RIMBP2: variants seen among roughly 807,000 people sequenced by gnomAD.
RIMBP2 encodes the protein RIMS-binding protein 2.
A neutral mutation model predicts 118.6 loss-of-function variants in RIMBP2; 48 were observed. The ratio of observed to expected loss-of-function variants is 0.40; its 90% CI spans 0.32 to 0.51. RIMBP2 has a LOEUF of 0.51. Ranked by LOEUF, RIMBP2 falls within the 20% of genes least tolerant of loss-of-function variation. RIMBP2 has a pLI of 0.41. For missense variants in RIMBP2, 1,551 were observed against 1,768.3 expected (o/e 0.88, Z 2.20); for synonymous variants, 762 against 742.9 (o/e 1.03, Z -0.42).
At chr12:130,411,752 C>A (rs181695391) in intron 19 of RIMBP2, among the ~76,000 whole-genome samples, 8 of 151,914 alleles carry the variant, frequency 5.3e-5, no homozygotes, top group Non-Finnish European at 7.4e-5. Flanking sequence ...TTAATGTGGG[C>A]GATATATTCA....
intron 4 of RIMBP2, among the ~76,000 whole-genome samples, chr12:130,501,008 C>T (rs990284623): frequency 2.0e-5 from 3 of 152,118 alleles, no homozygotes; most frequent in Non-Finnish European, 4.4e-5. Flanking sequence ...CCAGGGGTCA[C>T]GACACACTCC....
intron 2 of RIMBP2, among the ~76,000 whole-genome samples, chr12:130,540,351 A>C (rs1381995492): frequency 6.6e-6 from 1 of 152,206 alleles, no homozygotes; most frequent in Non-Finnish European, 1.5e-5. Flanking sequence ...GGAATCGCAC[A>C]CAAGAAAGGA....
chr12:130,489,787 G>A (rs748516537), intron 4 of RIMBP2, among the ~76,000 whole-genome samples: 7 of 152,088 alleles, frequency 4.6e-5, no homozygotes, highest in Admixed American at 6.6e-5. Flanking sequence ...AAGTCTGACC[G>A]GTAGACTGAA....
rs1388827858 is a variant in RIMBP2, at chr12:130,442,533, G to A, written c.819C>T (p.Gly273=). The stretch of plus-strand genomic sequence containing the variant: ...GGATGTGCTCTCCCTCCAGGCCGAT[G>A]CCGGAATGGTTGATGAAGTTCTGAT... The part of the protein sequence containing the change: ...EQDQNFINHS[G]IGLEGEHILD... Residue 273 remains glycine (G), a synonymous_variant, in exon 11 of 23, where the codon GGC becomes GGT. Coordinates refer to ENST00000690449, the MANE Select transcript of RIMBP2 (RefSeq NM_001393629.1). The surrounding 1 kb of genome is among the most constrained non-coding windows in gnomAD (Gnocchi z 6.9). 6.2e-7 allele frequency: 1 copy of A among 1,614,190 alleles called. No individual in the cohort carries two copies.
intron 2 of RIMBP2, among the ~76,000 whole-genome samples, chr12:130,624,689 C>A (rs1342591369): frequency 6.6e-6 from 1 of 152,104 alleles, no homozygotes; most frequent in Admixed American, 6.5e-5. Context: ...TTTGTTTTTT[C>A]TTTTACTGTA....
Position 130,436,853 on chromosome 12 carries a change from C to G in RIMBP2, c.2095G>C (p.Glu699Gln), listed in dbSNP as rs768170548. 1.4e-6 allele frequency: 2 copies of G among 1,476,964 alleles called. No homozygotes were observed. The highest frequency in any genetic ancestry group is 5.0e-5 in the East Asian group (2 of 39,810). The allele number at this position is 1,476,964 out of a possible 1,614,324, so 91.5% of individuals were successfully genotyped here. ...MAREAAQRVA[E>Q]SSRLEKRSVF... ...AGCCCCAGCCTTACCCTGCTGCTCT[C>G]GGCCACCCTCTGCGCGGCCTCCCGG... is the stretch of plus-strand genomic sequence containing the variant. The change falls in exon 13 of 23, where the codon GAG becomes CAG. Residue 699 changes from glutamate to glutamine, a missense_variant. Physicochemically the swap from Glu to Gln is conservative, Grantham distance 29. Transcript: ENST00000690449.
chr12:130,530,711 A>G (rs1160655439), intron 2 of RIMBP2, among the ~76,000 whole-genome samples: 1 of 152,170 alleles, frequency 6.6e-6, no homozygotes, highest in Non-Finnish European at 1.5e-5. Context: ...CTTTTTTTAA[A>G]AAATCACTTG....
chr12:130,613,269 T>C (rs1180935787), intron 2 of RIMBP2, among the ~76,000 whole-genome samples: 2 of 152,076 alleles, frequency 1.3e-5, no homozygotes, highest in South Asian at 2.1e-4. Flanking sequence ...GTACTCCAAT[T>C]GTGGGAGCTG....
At chr12:130,402,108 G>A (rs895389474) in intron 21 of RIMBP2, among the ~76,000 whole-genome samples, 2 of 152,192 alleles carry the variant, frequency 1.3e-5, no homozygotes, top group African/African-American at 4.8e-5. Context: ...CATGTACCAT[G>A]TCACTCCCTT....
chr12:130,448,639 C>T (rs1231797865), intron 9 of RIMBP2, among the ~76,000 whole-genome samples: 2 of 152,242 alleles, frequency 1.3e-5, no homozygotes, highest in Non-Finnish European at 2.9e-5. Context: ...ATCCTGGCCC[C>T]GCCAACTGTG....
chr12:130,608,097 A>C (rs2060294225), intron 2 of RIMBP2, among the ~76,000 whole-genome samples: 1 of 152,216 alleles, frequency 6.6e-6, no homozygotes, highest in Non-Finnish European at 1.5e-5. Context: ...GCTTCCAGTC[A>C]ACCTTCCATG....
At chr12:130,693,233 G>A (rs1359234547) in intron 1 of RIMBP2, among the ~76,000 whole-genome samples, 1 of 152,152 alleles carries the variant, frequency 6.6e-6, no homozygotes, top group Non-Finnish European at 1.5e-5. Flanking sequence ...GTCATGTAAT[G>A]ATTCAATTGA....
intron 7 of RIMBP2, among the ~76,000 whole-genome samples, chr12:130,454,003 G>A (rs890752470): frequency 3.3e-5 from 5 of 151,882 alleles, no homozygotes; most frequent in African/African-American, 7.2e-5. Context: ...GTACTGAGCC[G>A]AGATCACACC....
intron 1 of RIMBP2, among the ~76,000 whole-genome samples, chr12:130,638,045 A>T (rs1566413709): frequency 6.6e-6 from 1 of 152,108 alleles, no homozygotes; most frequent in East Asian, 1.9e-4. Flanking sequence ...CTTCACCAAC[A>T]TCTAGTTGCT....
Position 130,399,952 on chromosome 12 carries a change from C to G in RIMBP2, c.3766-139G>C, listed in dbSNP as rs927728416. The G allele has an allele frequency of 3.1e-6, 3 of 970,240 alleles. No individual in the cohort carries two copies. The South Asian group carries it at 5.2e-5, about 17-fold the overall frequency. 60.1% of individuals were successfully genotyped at this position (970,240 alleles called of 1,614,324 possible). A position where few individuals can be genotyped will look rare whatever the true frequency, so the allele number is the denominator to read the frequency against. ...TCAAAAGTGGCAGGACTTGAAAGGA[C>G]TCTAAATCAGGGTTTCCAAATTTTC... On this transcript the variant is annotated intron_variant, in intron 21 of 22. Transcript: ENST00000690449.
intron 1 of RIMBP2, among the ~76,000 whole-genome samples, chr12:130,638,904 A>C (rs1335897406): frequency 1.3e-5 from 2 of 152,354 alleles, no homozygotes; most frequent in Non-Finnish European, 2.9e-5. Context: ...CATAGAATGC[A>C]CAAGACAAGG....
intron 17 of RIMBP2, among the ~76,000 whole-genome samples, chr12:130,417,890 A>G (rs985025161): frequency 6.6e-6 from 1 of 152,090 alleles, no homozygotes; most frequent in African/African-American, 2.4e-5. Context: ...ACTGACAGAT[A>G]ATATTGGTCT....
intron 4 of RIMBP2, among the ~76,000 whole-genome samples, chr12:130,484,152 C>T (rs1255740973): frequency 2.0e-5 from 3 of 152,190 alleles, no homozygotes; most frequent in Non-Finnish European, 1.5e-5. Flanking sequence ...GAAGTGGACC[C>T]CTGGCCCCAT....
At chr12:130,559,785 C>T (rs1252862718) in intron 2 of RIMBP2, among the ~76,000 whole-genome samples, 3 of 152,222 alleles carry the variant, frequency 2.0e-5, no homozygotes, top group Non-Finnish European at 4.4e-5. Context: ...CTGTGTCAAC[C>T]TGGGAGCTAG....
Sources: gnomAD v4.1 joint callset for allele counts (sites outside exome capture counted in the v4.1 genomes callset) on GRCh38, gnomAD v4.1.1 for gene constraint, Gnocchi (gnomAD v3.1) non-coding constraint, MANE v1.5 for transcripts, NCBI Gene and HGNC (gene_info 2026-07-23, HGNC 2026-07-21) for gene names.